Variants in MEI1 observed in about 807,000 individuals in gnomAD.
The protein encoded by MEI1 is meiotic double-stranded break formation protein 1.
In MEI1, 103 loss-of-function variants were observed where a neutral mutation model predicts 146.2. The observed-to-expected ratio is 0.70, with a 90% CI of 0.60 to 0.83. The LOEUF (loss-of-function observed/expected upper bound fraction) is 0.83. MEI1 is among the 40% of genes least tolerant of loss of function. The probability of loss-of-function intolerance (pLI) is 0.00; values close to 1 mark genes in which losing one functional copy is unlikely to be tolerated. For missense variants in MEI1, 1,529 were observed against 1,533.0 expected, an observed-to-expected ratio of 1.00 and a Z score of 0.04; for synonymous variants, 652 against 628.2, an observed-to-expected ratio of 1.04 and a Z score of -0.57.
intron 15 of MEI1, 23 bp downstream of exon 15, chr22:41,748,241 G>A (rs374566149): frequency 5.3e-6 from 8 of 1,519,792 alleles, no homozygotes; most frequent in African/African-American, 1.4e-5. Context: ...CAAATGTGGA[G>A]GTTGGGAGGG....
intron 6 of MEI1, 21 bp from the exon 7 acceptor site, chr22:41,723,922 C>G: frequency 1.9e-6 from 3 of 1,577,958 alleles, no homozygotes; most frequent in Non-Finnish European, 1.7e-6. Flanking sequence ...TGCCTTACTT[C>G]CCAATCCCTT....
intron 21 of MEI1, among the ~76,000 whole-genome samples, chr22:41,776,905 C>G (rs2075467662): frequency 6.6e-6 from 1 of 152,010 alleles, no homozygotes; most frequent in South Asian, 2.1e-4. Flanking sequence ...CCTCTACTTT[C>G]CAGGTTCAAG....
chr22:41,729,671 C>A lies in MEI1; in HGVS notation c.871C>A (p.Leu291Ile). The change falls in exon 8 of 31, where the codon CTC (leucine) becomes ATC (isoleucine). Residue 291 changes from leucine to isoleucine, a missense_variant. Coordinates refer to ENST00000401548, the MANE Select transcript of MEI1 (RefSeq NM_152513.4). ...TTGCTGCCTGTTTCTCCAGCTTCTC[C>A]TCTCTAGAGATGAAACCCTGCAGGT... ...SLPLVLKKLL[L>I]SRDETLQVAS... is the part of the protein sequence containing the mutation. 1 of 1,607,678 alleles carries A rather than the reference C, an allele frequency of 6.2e-7. No homozygotes were observed.
intron 18 of MEI1, among the ~76,000 whole-genome samples, chr22:41,759,079 G>T (rs1341822720): frequency 6.6e-6 from 1 of 152,172 alleles, no homozygotes; most frequent in Non-Finnish European, 1.5e-5. Flanking sequence ...GGAGACAGAG[G>T]TTGCAGTGAG....
chr22:41,732,776 A>ATT (rs767715701), intron 11 of MEI1, among the ~76,000 whole-genome samples, 173 bp downstream of exon 11: 2,244 of 133,706 alleles, frequency 0.017, 80 homozygotes, highest in African/African-American at 0.06. Flanking sequence ...GGATTGAAAA[A>ATT]TTTTTTTTTT....
chr22:41,772,954 C>A (rs891192743), intron 20 of MEI1, among the ~76,000 whole-genome samples: 1 of 152,202 alleles, frequency 6.6e-6, no homozygotes, highest in Non-Finnish European at 1.5e-5. Context: ...CTTTCTCAGC[C>A]TGGGTCTTCC....
chr22:41,700,939 CTTTTTT>C (rs530432136), intron 1 of MEI1, among the ~76,000 whole-genome samples: 1 of 129,620 alleles, frequency 7.7e-6, no homozygotes, highest in Non-Finnish European at 1.7e-5. Context: ...TTCTTTCTTT[CTTTTTT>C]TTTTTTTTTT....
intron 2 of MEI1, among the ~76,000 whole-genome samples, chr22:41,705,139 G>GGGTCTATTTCTCTTTGAAGAGAA (rs2068989855): frequency 6.6e-6 from 1 of 151,988 alleles, no homozygotes; most frequent in East Asian, 1.9e-4. Flanking sequence ...GTGCCTGTGT[G>GGGTCTATTTCTCTTTGAAGAGAA]GGTCTATTTC....
chr22:41,713,882 G>A (rs1428694326), intron 3 of MEI1, 120 bp from the exon 4 acceptor site: 1 of 776,226 alleles, frequency 1.3e-6, no homozygotes, highest in African/African-American at 1.7e-5. Flanking sequence ...AAATAGAAAA[G>A]TATAATACCA....
chr22:41,712,379 C>T (rs1402999373), intron 3 of MEI1, among the ~76,000 whole-genome samples: 4 of 150,804 alleles, frequency 2.7e-5, no homozygotes, highest in African/African-American at 7.3e-5. Context: ...GGACTACAGG[C>T]GCCCACCACC....
intron 22 of MEI1, chr22:41,779,026 C>CA (rs1383985939): frequency 1.2e-5 from 6 of 506,736 alleles, no homozygotes; most frequent in East Asian, 3.5e-5. Flanking sequence ...CCTACCTCTG[C>CA]AAAAAATCAG....
At chr22:41,701,396 C>T (rs567210404) in intron 1 of MEI1, among the ~76,000 whole-genome samples, 14 of 151,854 alleles carry the variant, frequency 9.2e-5, no homozygotes, top group African/African-American at 2.9e-4. Context: ...TTTGGGAGGC[C>T]GAGGTGGTTG....
In MEI1 at chr22:41,723,925, A is replaced by T; in HGVS notation, c.734-18A>T. 1 of 1,580,744 alleles carries T rather than the reference A, an allele frequency of 6.3e-7. No homozygotes were observed. The highest frequency in any genetic ancestry group is 8.6e-7 in the Non-Finnish European group (1 of 1,162,760). On this transcript the variant is annotated intron_variant, in intron 6 of 30. Coordinates refer to ENST00000401548, the MANE Select transcript of MEI1 (RefSeq NM_152513.4). ...CTGTGTTCCTCTTGCCTTACTTCCCAATCCCTTTGTTTCCTAGGTTTGCTG... is the reference window on the plus strand; with the variant it reads ...CTGTGTTCCTCTTGCCTTACTTCCCTATCCCTTTGTTTCCTAGGTTTGCTG...
At chr22:41,773,856 C>A (rs2075312845) in intron 20 of MEI1, among the ~76,000 whole-genome samples, 1 of 152,182 alleles carries the variant, frequency 6.6e-6, no homozygotes, top group Non-Finnish European at 1.5e-5. Flanking sequence ...GCCTGGGCGA[C>A]AGAGCTAGAC....
chr22:41,700,749 ATTTTTTTTTTTTTTTT>A (rs78862314), intron 1 of MEI1, among the ~76,000 whole-genome samples: 1 of 117,670 alleles, frequency 8.5e-6, no homozygotes, highest in Non-Finnish European at 1.7e-5. Flanking sequence ...GCAGTTCTCA[ATTTTTTTTTTTTTTTT>A]TTTTTTTTTT....
In MEI1 at chr22:41,718,269, G is replaced by T. The variant is rs765272572; in HGVS notation, c.728G>T (p.Cys243Phe). 5.4e-5 allele frequency: 87 copies of T among 1,613,694 alleles called. No homozygotes were observed. The highest frequency in any genetic ancestry group is 7.1e-5 in the Non-Finnish European group (84 of 1,179,816). ...CAGACAAAGGAGCTGCAGATTAACT[G>T]CTTGGGTAAGACATGAGGCTGGAGA... ...GAQTKELQIN[C>F]LGLLRQLLKY... Residue 243 changes from cysteine to phenylalanine, a missense_variant, in exon 6 of 31, where the codon TGC becomes TTC. Cys to Phe is a radical substitution (Grantham distance 205). Coordinates refer to ENST00000401548, the MANE Select transcript of MEI1 (RefSeq NM_152513.4).
intron 19 of MEI1, chr22:41,767,504 T>TGG: frequency 2.2e-6 from 1 of 450,486 alleles, no homozygotes; most frequent in Non-Finnish European, 4.5e-6. Flanking sequence ...AGCCAGAGTG[T>TGG]GGGTGTCTCT....
At chr22:41,748,957 C>G (rs1213307470) in intron 15 of MEI1, among the ~76,000 whole-genome samples, 1 of 152,112 alleles carries the variant, frequency 6.6e-6, no homozygotes, top group Non-Finnish European at 1.5e-5. Context: ...CGCCCGCCAC[C>G]ACGCCCGGCT....
intron 26 of MEI1, among the ~76,000 whole-genome samples, chr22:41,790,950 G>A (rs1569333369): frequency 6.6e-6 from 1 of 152,170 alleles, no homozygotes; most frequent in Non-Finnish European, 1.5e-5. Context: ...TCACAGAGAA[G>A]GTGACATTTG....
Sources: allele counts gnomAD v4.1 joint callset (sites outside exome capture counted in the v4.1 genomes callset), GRCh38; gene constraint gnomAD v4.1.1; transcripts MANE v1.5; gene names NCBI Gene and HGNC (gene_info 2026-07-23, HGNC 2026-07-21).